ABCA12: variants seen among roughly 807,000 people sequenced by gnomAD.
ABCA12 encodes ATP binding cassette subfamily A member 12.
In ABCA12, 156 loss-of-function variants were observed where a neutral mutation model predicts 293.5. The ratio of observed to expected loss-of-function variants is 0.53; its 90% CI spans 0.47 to 0.61. The LOEUF is 0.61. ABCA12 is among the 20% of genes least tolerant of loss of function. The pLI is 0.00. For synonymous variants in ABCA12, 1,063 were observed against 1,108.0 expected (o/e 0.96, Z 0.81); for missense variants, 2,797 against 3,090.2 (o/e 0.91, Z 2.25).
At chr2:214,955,154 G>A (rs1259930910) in intron 43 of ABCA12, 48 bp downstream of exon 43, 16 of 1,593,204 alleles carry the variant, frequency 1.0e-5, no homozygotes, top group Non-Finnish European at 1.3e-5. Flanking sequence ...CTTTCCACCT[G>A]GAACATGTTG....
At position 215,068,109 on chromosome 2, in the gene ABCA12, T is replaced by C. The variant is rs572916340; in HGVS notation, c.164-3890A>G. On this transcript the variant is annotated intron_variant, in intron 2 of 52. Transcript: ENST00000272895. ...CAGAATGTAAAGATTAGAGTGATGG[T>C]TCTCCAAGTTTGATCCTTGGACCAA... Among the ~76,000 whole-genome samples the C allele has an allele frequency of 4.6e-5, 7 of 152,264 alleles. No homozygotes were observed. In the South Asian group the frequency reaches 1.5e-3, roughly 32 times the overall value.
At position 215,012,035 on chromosome 2, in the gene ABCA12, G is replaced by C; in HGVS notation, c.2057C>G (p.Pro686Arg). Reference protein sequence around the residue: ...ILNQMASGTHPLLDKMRSLKQ... With the variant: ...ILNQMASGTHRLLDKMRSLKQ... ...CAGGGATCTCATTTTGTCTAGCAGC[G>C]GATGTGTGCCAGAAGCCATCTGATT... The change falls in exon 16 of 53, where the codon CCG (proline) becomes CGG (arginine). Residue 686 changes from proline (P) to arginine (R), a missense_variant. Pro to Arg is a moderately radical substitution (Grantham distance 103). Transcript: ENST00000272895. The C allele has an allele frequency of 6.2e-7, 1 of 1,613,916 alleles. No individual in the cohort carries two copies. The highest frequency in any genetic ancestry group is 8.5e-7 in the Non-Finnish European group (1 of 1,179,906).
chr2:214,955,359 T>C lies in ABCA12; in HGVS notation c.6236A>G (p.Tyr2079Cys), dbSNP rs1698912811. ...CAAGTACATCCAGGAAAATGTTGCA[T>C]ACCTGCAGGTTAAAAACACAAAGAA... ...AVSLLLLLFG[Y>C]ATFSWMYLLA... Residue 2079 changes from tyrosine (Y) to cysteine (C), a missense_variant and splice_region_variant, in exon 43 of 53, where the codon TAT (tyrosine) becomes TGT (cysteine). Coordinates refer to ENST00000272895, the MANE Select transcript of ABCA12 (RefSeq NM_173076.3). 1 of 1,614,082 alleles carries C rather than the reference T, an allele frequency of 6.2e-7. No homozygotes were observed. Among genetic ancestry groups the C allele is most frequent in the Non-Finnish European group, 8.5e-7 (1 of 1,179,956 alleles).
At chr2:215,125,527 T>A (rs1702903728) in intron 1 of ABCA12, among the ~76,000 whole-genome samples, 1 of 152,158 alleles carries the variant, frequency 6.6e-6, no homozygotes, top group Non-Finnish European at 1.5e-5. Context: ...CTTTGTTAGG[T>A]ATATTCCTAA....
intron 43 of ABCA12, 82 bp from the exon 44 acceptor site, chr2:214,954,189 C>CA: frequency 6.9e-7 from 1 of 1,452,164 alleles, no homozygotes; most frequent in Non-Finnish European, 9.5e-7. Flanking sequence ...TGGATGTAGA[C>CA]AAATAGTGAA....
intron 3 of ABCA12, among the ~76,000 whole-genome samples, chr2:215,062,689 T>A (rs1216150739): frequency 6.6e-6 from 1 of 151,864 alleles, no homozygotes. Context: ...TTTCTCGGCA[T>A]GCAACACTCT....
chr2:214,941,521 G>A (rs983337286), intron 50 of ABCA12, among the ~76,000 whole-genome samples: 2 of 152,020 alleles, frequency 1.3e-5, no homozygotes, highest in Admixed American at 6.6e-5. Flanking sequence ...TTCCTGTCTT[G>A]TTGATCTGTC....
chr2:214,960,011 A>G lies in ABCA12; in HGVS notation c.5885-933T>C, dbSNP rs181123795. Among the ~76,000 whole-genome samples, 225 of 152,272 alleles carry G rather than the reference A, an allele frequency of 1.5e-3. 1 individual carries two copies. The highest frequency in any genetic ancestry group is 5.8e-3 in the Admixed American group (88 of 15,296). On this transcript the variant is annotated intron_variant, in intron 39 of 52. Transcript: ENST00000272895. ...AGCTTTCTCACTTAACTGTTCATAT[A>G]GTATTTGTTCATTGTACTAGGATGT... is the stretch of plus-strand genomic sequence containing the variant.
intron 1 of ABCA12, among the ~76,000 whole-genome samples, chr2:215,114,986 T>C (rs1375120569): frequency 6.6e-6 from 1 of 152,196 alleles, no homozygotes; most frequent in Non-Finnish European, 1.5e-5. Context: ...TATTGTATGG[T>C]ATGTATGGTT....
chr2:215,099,327 C>T (rs2970958), intron 2 of ABCA12, among the ~76,000 whole-genome samples: 73,179 of 152,060 alleles, frequency 0.48, 18,019 homozygotes, highest in Non-Finnish European at 0.53. Flanking sequence ...GGATGACTGA[C>T]GTCCTAGCCC....
chr2:214,942,236 A>G (rs73088455), intron 50 of ABCA12, among the ~76,000 whole-genome samples: 5,347 of 152,258 alleles, frequency 0.035, 148 homozygotes, highest in South Asian at 0.086. Flanking sequence ...GAGTTTGTAA[A>G]GAAGTCACAA....
chr2:215,001,660 T>G lies in ABCA12; in HGVS notation c.2761A>C (p.Ile921Leu). 1 of 1,613,764 alleles carries G rather than the reference T, an allele frequency of 6.2e-7. No individual in the cohort carries two copies. Among genetic ancestry groups the G allele is most frequent in the Non-Finnish European group, 8.5e-7 (1 of 1,179,806 alleles). Residue 921 changes from isoleucine (I) to leucine (L), a missense_variant, in exon 21 of 53, where the codon ATT becomes CTT. By Grantham distance (5) the Ile-to-Leu change is conservative (BLOSUM62 2). This residue lies in a region of ABCA12 where 2,130 missense variants were observed against 2,427.0 expected (regional missense o/e 0.88). Coordinates refer to ENST00000272895, the MANE Select transcript of ABCA12 (RefSeq NM_173076.3). ...LNTLSSLTVNISSCVLYDRIQ... is the reference protein window; with the variant it reads ...LNTLSSLTVNLSSCVLYDRIQ... Reference sequence around the variant, plus strand: ...CGGTCATATAATACACAAGAGGAAATATTTACTGTCAGGGAAGATAGTGTG... The same window carrying G: ...CGGTCATATAATACACAAGAGGAAAGATTTACTGTCAGGGAAGATAGTGTG...
intron 15 of ABCA12, among the ~76,000 whole-genome samples, chr2:215,012,520 A>C (rs1161007428): frequency 6.6e-6 from 1 of 152,232 alleles, no homozygotes; most frequent in African/African-American, 2.4e-5. Flanking sequence ...TGAATAAGTG[A>C]ATGAAGCCAG....
intron 2 of ABCA12, among the ~76,000 whole-genome samples, chr2:215,079,858 A>T (rs1405296233): frequency 6.6e-6 from 1 of 152,238 alleles, no homozygotes; most frequent in Non-Finnish European, 1.5e-5. Context: ...ATCAGACACA[A>T]CATAAAAAGC....
chr2:214,981,908 G>A (rs1699666029), intron 30 of ABCA12, among the ~76,000 whole-genome samples: 2 of 147,772 alleles, frequency 1.4e-5, no homozygotes, highest in South Asian at 4.3e-4. Flanking sequence ...TGACTAGCTA[G>A]GACTACACAT....
intron 11 of ABCA12, among the ~76,000 whole-genome samples, chr2:215,021,253 G>A (rs1334482329): frequency 6.6e-6 from 1 of 152,186 alleles, no homozygotes; most frequent in African/African-American, 2.4e-5. Flanking sequence ...TGGACGAGAA[G>A]ACGCCTGATT....
rs2106120110 is a variant in ABCA12, at chr2:215,104,139, GA to G, written c.163+7457del. On this transcript the variant is annotated intron_variant, in intron 2 of 52. Transcript: ENST00000272895. ...GGAAAGAGAAAAGGAGTAAAAACCA[GA>G]AGACATTTGGTTCCCATGGCCGATT... 2.0e-5 allele frequency among the ~76,000 whole-genome samples: 3 copies of G among 152,252 alleles called. 1 individual carries two copies. The South Asian group carries it at 6.2e-4, about 32-fold the overall frequency.
chr2:214,955,583 T>C (rs1698921567), intron 42 of ABCA12, among the ~76,000 whole-genome samples: 1 of 152,172 alleles, frequency 6.6e-6, no homozygotes, highest in Non-Finnish European at 1.5e-5. Flanking sequence ...TTTGGGAGGC[T>C]GAGGTCGGAG....
chr2:215,053,399 GA>G (rs1215973871), intron 4 of ABCA12, among the ~76,000 whole-genome samples: 2 of 152,102 alleles, frequency 1.3e-5, no homozygotes, highest in East Asian at 3.9e-4. Flanking sequence ...CAGGGCTGAA[GA>G]ATTTGCCATC....
Sources: gnomAD v4.1 joint callset for allele counts (sites outside exome capture counted in the v4.1 genomes callset) on GRCh38, gnomAD v4.1.1 for gene constraint, gnomAD v4.1.1 regional missense constraint, MANE v1.5 for transcripts, NCBI Gene and HGNC (gene_info 2026-07-23, HGNC 2026-07-21) for gene names.